Variants in C1S observed in about 807,000 individuals in gnomAD.
The protein encoded by C1S is complement C1s.
A neutral mutation model predicts 54.0 loss-of-function variants in C1S; 31 were observed. That is an observed-to-expected ratio of 0.57 (90% CI 0.43 to 0.78). The LOEUF is 0.78. Ranked by LOEUF, C1S falls within the 30% of genes least tolerant of loss-of-function variation. The pLI, the probability that C1S is intolerant of heterozygous loss-of-function variation, is 0.00. For synonymous variants in C1S, 292 were observed against 303.6 expected (o/e 0.96, Z 0.40); for missense variants, 727 against 851.8 (o/e 0.85, Z 1.82).
In C1S at chr12:7,068,536, G is replaced by A. The variant is rs1247348420; in HGVS notation, c.1270+6G>A. 47 of 1,605,862 alleles carry A rather than the reference G, an allele frequency of 2.9e-5. No individual in the cohort carries two copies. The East Asian group carries it at 9.6e-4, about 33-fold the overall frequency. On this transcript the variant is annotated splice_donor_region_variant and intron_variant, in intron 11 of 11. Transcript: ENST00000360817. ...GCTGCCGAAATGTGTTCCAGGTAAGGAGGGCTGAGGCTTGGGGAGAGATGA... is the reference window on the plus strand; with the variant it reads ...GCTGCCGAAATGTGTTCCAGGTAAGAAGGGCTGAGGCTTGGGGAGAGATGA...
intron 4 of C1S, 103 bp from the exon 5 acceptor site, chr12:7,064,164 A>G (rs782818209): frequency 1.2e-5 from 14 of 1,143,440 alleles, no homozygotes; most frequent in African/African-American, 3.0e-5. Flanking sequence ...TCTTTAAGCA[A>G]TAGGCCTTTC....
intron 1 of C1S, 48 bp from the exon 2 acceptor site, chr12:7,061,791 G>T (rs1555161294): frequency 9.4e-7 from 1 of 1,063,444 alleles, no homozygotes; most frequent in Non-Finnish European, 1.5e-6. Flanking sequence ...CACCAAAGAA[G>T]GTGCTTGTGT....
rs782532357 is a variant in C1S, at chr12:7,070,037, A to G, written c.1453A>G (p.Met485Val). ...TGTGGAGGGAAACAGGGAGCCAACAATGTATGTTGGGTCCACCTCAGTGCA... is the reference window on the plus strand; with the variant it reads ...TGTGGAGGGAAACAGGGAGCCAACAGTGTATGTTGGGTCCACCTCAGTGCA... The part of the protein sequence containing the change: ...HVVEGNREPT[M>V]YVGSTSVQTS... Residue 485 changes from methionine (M) to valine (V), a missense_variant, in exon 12 of 12, where the codon ATG becomes GTG. This residue lies in a region of C1S where 360 missense variants were observed against 453.6 expected (regional missense o/e 0.79). Transcript: ENST00000360817. The surrounding 1 kb of genome is among the most constrained non-coding windows in gnomAD (Gnocchi z 4.9). The G allele has an allele frequency of 1.2e-6, 2 of 1,614,016 alleles. No homozygotes were observed. Among genetic ancestry groups the G allele is most frequent in the South Asian group, 1.1e-5 (1 of 91,080 alleles).
intron 4 of C1S, chr12:7,063,537 G>A (rs181037815): frequency 3.1e-6 from 1 of 326,910 alleles, no homozygotes; most frequent in Non-Finnish European, 6.2e-6. Context: ...TCTCTCTCTA[G>A]GTTAAAATGA....
At chr12:7,062,085 C>T (rs932739404) in intron 2 of C1S, 168 bp downstream of exon 2, 7 of 676,688 alleles carry the variant, frequency 1.0e-5, no homozygotes, top group Non-Finnish European at 1.8e-5. Flanking sequence ...GCCTGGGCAA[C>T]ATAAGGAGAC....
chr12:7,064,495 T>TG, intron 5 of C1S, 103 bp downstream of exon 5: 3 of 1,098,982 alleles, frequency 2.7e-6, no homozygotes, highest in South Asian at 1.5e-5. Context: ...AGGCCAAGCC[T>TG]TCATTTGGCA....
At chr12:7,061,996 A>G in intron 2 of C1S, 79 bp downstream of exon 2, 1 of 1,401,938 alleles carries the variant, frequency 7.1e-7, no homozygotes, top group South Asian at 1.2e-5. Flanking sequence ...AGGGCCAGGC[A>G]TGATGGCTCA....
intron 10 of C1S, 36 bp downstream of exon 10, chr12:7,067,807 T>A (rs1565623195): frequency 6.3e-7 from 1 of 1,579,924 alleles, no homozygotes; most frequent in Non-Finnish European, 8.7e-7. Context: ...AGAGAGAGAG[T>A]GAGAAGGTGT....
At position 7,070,351 on chromosome 12, in the gene C1S, A is replaced by G; in HGVS notation, c.1767A>G (p.Val589=). The change falls in exon 12 of 12, where the codon GTA becomes GTG. Residue 589 remains valine (V), a synonymous_variant. Transcript: ENST00000360817. This position sits in a 1 kb window ranked among gnomAD's most constrained non-coding sequence, Gnocchi z 4.9. ...AVRLKAARLP[V]APLRKCKEVK... is the part of the protein sequence containing the mutation. ...GCCTCAAGGCGGCAAGGTTACCTGT[A>G]GCTCCTTTAAGAAAATGCAAAGAAG... is the stretch of plus-strand genomic sequence containing the variant. 2 of 1,614,264 alleles carry G rather than the reference A, an allele frequency of 1.2e-6. No individual in the cohort carries two copies. Among genetic ancestry groups the G allele is most frequent in the Non-Finnish European group, 1.7e-6 (2 of 1,180,042 alleles).
intron 6 of C1S, 32 bp downstream of exon 6, chr12:7,065,331 A>G (rs1947158456): frequency 6.6e-7 from 1 of 1,525,988 alleles, no homozygotes; most frequent in Non-Finnish European, 9.1e-7. Flanking sequence ...CCCCACCCTT[A>G]ACTTACACAG....
chr12:7,062,100 T>A (rs1947097697), intron 2 of C1S, 183 bp downstream of exon 2: 1 of 630,076 alleles, frequency 1.6e-6, no homozygotes, highest in African/African-American at 2.0e-5. Flanking sequence ...GGAGACCCTG[T>A]CTCTATTAAA....
chr12:7,068,397 G>A (rs2135727783), intron 10 of C1S, 59 bp from the exon 11 acceptor site: 1 of 1,248,712 alleles, frequency 8.0e-7, no homozygotes, highest in Admixed American at 1.7e-5. Context: ...GTCGGAGGGG[G>A]GAATGGAAGA....
chr12:7,062,286 A>AAAAAAT, intron 2 of C1S, 189 bp from the exon 3 acceptor site: 1 of 563,166 alleles, frequency 1.8e-6, no homozygotes, highest in Non-Finnish European at 3.2e-6. Context: ...AAAAAAAAAA[A>AAAAAAT]GGGCTCTTGT....
At chr12:7,066,988 G>A (rs1937682623) in intron 8 of C1S, 51 bp from the exon 9 acceptor site, 1 of 1,382,478 alleles carries the variant, frequency 7.2e-7, no homozygotes, top group African/African-American at 1.4e-5. Context: ...TTTGATTTTG[G>A]TTTCCCATAT....
chr12:7,069,304 TGA>T (rs1418003339), intron 11 of C1S, among the ~76,000 whole-genome samples: 1 of 152,052 alleles, frequency 6.6e-6, no homozygotes, highest in African/African-American at 2.4e-5. Flanking sequence ...TCACTGGGAG[TGA>T]GAGGTCAGGG....
intron 4 of C1S, 25 bp downstream of exon 4, chr12:7,063,092 C>T (rs1555161550): frequency 6.9e-6 from 11 of 1,596,242 alleles, no homozygotes; most frequent in Non-Finnish European, 9.4e-6. Context: ...TCTGCATGTG[C>T]CTTATTGACC....
rs2135730649 is a variant in C1S, at chr12:7,070,404, C to T, written c.1820C>T (p.Ala607Val). 5 of 1,614,208 alleles carry T rather than the reference C, an allele frequency of 3.1e-6. No individual in the cohort carries two copies. The highest frequency in any genetic ancestry group is 4.2e-6 in the Non-Finnish European group (5 of 1,180,020). Residue 607 changes from alanine to valine, a missense_variant, in exon 12 of 12, where the codon GCA (alanine) becomes GTA (valine). Around this residue, in one of 3 missense-constraint regions of C1S, gnomAD observed 360 missense variants for 453.6 expected, o/e 0.79. Coordinates refer to ENST00000360817, the MANE Select transcript of C1S (RefSeq NM_001734.5). The surrounding 1 kb of genome is among the most constrained non-coding windows in gnomAD (Gnocchi z 4.9). ...AAAGTGGAGAAACCCACAGCAGATG[C>T]AGAGGCCTATGTTTTCACTCCTAAC... ...EVKVEKPTAD[A>V]EAYVFTPNMI...
At chr12:7,064,986 A>G in intron 5 of C1S, 114 bp from the exon 6 acceptor site, 1 of 868,356 alleles carries the variant, frequency 1.2e-6, no homozygotes, top group Non-Finnish European at 1.9e-6. Context: ...CAGGGATCTC[A>G]GGTTAGTTTG....
At chr12:7,064,137 T>G in intron 4 of C1S, 130 bp from the exon 5 acceptor site, 1 of 914,208 alleles carries the variant, frequency 1.1e-6, no homozygotes, top group South Asian at 1.3e-5. Flanking sequence ...TAGCCTGAAA[T>G]GTGATCCCTT....
Sources: allele counts gnomAD v4.1 joint callset (sites outside exome capture counted in the v4.1 genomes callset), GRCh38; gene constraint gnomAD v4.1.1; regional missense constraint gnomAD v4.1.1; non-coding constraint Gnocchi (gnomAD v3.1); transcripts MANE v1.5; gene names NCBI Gene and HGNC (gene_info 2026-07-23, HGNC 2026-07-21).